Variants in SPANXN4 observed in about 807,000 individuals in gnomAD.
SPANXN4 encodes the protein sperm protein associated with the nucleus on the X chromosome N4.
A neutral mutation model predicts 6.0 loss-of-function variants in SPANXN4; 5 were observed. That is an observed-to-expected ratio of 0.83 (90% CI 0.44 to 1.75). SPANXN4 has a LOEUF of 1.75. SPANXN4 is among the 40% of genes most tolerant of loss of function. SPANXN4 has a pLI of 0.02. For missense variants in SPANXN4, 157 were observed against 108.6 expected, an observed-to-expected ratio of 1.45 and a Z score of -1.98; for synonymous variants, 45 against 38.0, an observed-to-expected ratio of 1.19 and a Z score of -0.68.
At chrX:143,035,422 A>T (rs184516892), downstream of SPANXN4, among the ~76,000 whole-genome samples, 1,021 of 110,656 alleles carry the variant, frequency 9.2e-3, 12 homozygotes, top group African/African-American at 0.032. Flanking sequence ...TTTAAGATGC[A>T]TCTATGTATG....
chrX:143,026,269 G>T lies in SPANXN4; in HGVS notation c.78+177G>T, dbSNP rs188312207. Among the ~76,000 whole-genome samples the T allele has an allele frequency of 3.8e-4, 43 of 111,827 alleles. No individual in the cohort carries two copies. The East Asian group carries it at 4.8e-3, about 13-fold the overall frequency. On this transcript the variant is annotated intron_variant, in intron 1 of 2. Transcript: ENST00000370504. ...GTACTTATAGGTATGGGTGGGAGAG[G>T]TTTGGGCAGTATGGCTGGCTGCTCG...
chrX:143,030,617 A>T (rs2124365781), intron 1 of SPANXN4, among the ~76,000 whole-genome samples: 1 of 110,321 alleles, frequency 9.1e-6, no homozygotes, highest in African/African-American at 3.3e-5. Flanking sequence ...AACTTTGGGA[A>T]GCCAGATTTA....
chrX:143,033,821 T>C (rs1053256414), intron 1 of SPANXN4, among the ~76,000 whole-genome samples: 1 of 111,612 alleles, frequency 9.0e-6, no homozygotes, highest in Non-Finnish European at 1.9e-5. Context: ...TACAAAGTCA[T>C]GCAGTTTGGA....
chrX:143,029,714 A>G (rs911736754), intron 1 of SPANXN4, among the ~76,000 whole-genome samples: 3 of 111,073 alleles, frequency 2.7e-5, no homozygotes, highest in Non-Finnish European at 3.8e-5. Context: ...TAAGGCATGT[A>G]CCTGCTATAA....
At chrX:143,027,698 TTG>T (rs1257995986) in intron 1 of SPANXN4, among the ~76,000 whole-genome samples, 1 of 110,991 alleles carries the variant, frequency 9.0e-6, no homozygotes, top group African/African-American at 3.3e-5. Context: ...ACTGCTGGAT[TTG>T]TGTGGACAAA....
intron 1 of SPANXN4, among the ~76,000 whole-genome samples, chrX:143,028,879 C>T (rs1035221001): frequency 9.0e-6 from 1 of 110,595 alleles, no homozygotes; most frequent in African/African-American, 3.3e-5. Flanking sequence ...CAGCCATGGT[C>T]GAAGAATGTA....
chrX:143,027,912 A>G (rs755433617), intron 1 of SPANXN4, among the ~76,000 whole-genome samples: 24 of 111,232 alleles, frequency 2.2e-4, no homozygotes, highest in Non-Finnish European at 4.1e-4. Flanking sequence ...TACCTCCTGC[A>G]TTACTGTGGG....
At chrX:143,035,494 T>C (rs1485046879), downstream of SPANXN4, among the ~76,000 whole-genome samples, 1 of 110,723 alleles carries the variant, frequency 9.0e-6, no homozygotes, top group Non-Finnish European at 1.9e-5. Context: ...GAAAGATATT[T>C]GGATTTTTAA....
At chrX:143,035,786 G>A (rs933710796), downstream of SPANXN4, among the ~76,000 whole-genome samples, 2 of 109,434 alleles carry the variant, frequency 1.8e-5, no homozygotes, top group African/African-American at 6.7e-5. Flanking sequence ...TTAAGTGTGT[G>A]ACAATAGCAG....
At chrX:143,032,847 C>T (rs990499236) in intron 1 of SPANXN4, among the ~76,000 whole-genome samples, 5 of 110,662 alleles carry the variant, frequency 4.5e-5, no homozygotes, top group African/African-American at 9.9e-5. Flanking sequence ...GTGAATACCC[C>T]GGAGAAAAGT....
downstream of SPANXN4, among the ~76,000 whole-genome samples, chrX:143,036,179 C>T (rs190014217): frequency 4.3e-4 from 47 of 109,277 alleles, no homozygotes; most frequent in Admixed American, 1.4e-3. Flanking sequence ...TGGCTCTTTT[C>T]TAACATTGTC....
At chrX:143,035,495 G>T (rs1932839250), downstream of SPANXN4, among the ~76,000 whole-genome samples, 1 of 109,677 alleles carries the variant, frequency 9.1e-6, no homozygotes, top group Admixed American at 9.7e-5. Context: ...AAAGATATTT[G>T]GATTTTTAAT....
chrX:143,037,625 G>A (rs186965998), downstream of SPANXN4, among the ~76,000 whole-genome samples: 1 of 111,224 alleles, frequency 9.0e-6, no homozygotes, highest in East Asian at 2.8e-4. Context: ...GCTATGGTTA[G>A]GCTTTGTGTC....
At chrX:143,038,543 C>A (rs777672781), downstream of SPANXN4, among the ~76,000 whole-genome samples, 30 of 111,425 alleles carry the variant, frequency 2.7e-4, no homozygotes, top group African/African-American at 9.4e-4. Flanking sequence ...TAATAATTAT[C>A]ATTCTCAAAC....
chrX:143,038,284 C>G (rs1369069591), downstream of SPANXN4, among the ~76,000 whole-genome samples: 1 of 111,792 alleles, frequency 8.9e-6, no homozygotes, highest in Admixed American at 9.5e-5. Context: ...ATGCCAAGGT[C>G]TTTTCTACAT....
At chrX:143,026,714 GAGA>G (rs1932780948) in intron 1 of SPANXN4, among the ~76,000 whole-genome samples, 1 of 111,298 alleles carries the variant, frequency 9.0e-6, no homozygotes, top group Non-Finnish European at 1.9e-5. Context: ...CTTGGCAGCG[GAGA>G]AGGATGGTAT....
intron 1 of SPANXN4, among the ~76,000 whole-genome samples, chrX:143,029,928 G>T (rs767889489): frequency 1.9e-4 from 21 of 111,661 alleles, no homozygotes; most frequent in South Asian, 1.1e-3. Context: ...ACGGCTTCTG[G>T]GGCGTCGCCG....
chrX:143,030,256 G>A (rs979935899), intron 1 of SPANXN4, among the ~76,000 whole-genome samples: 1 of 110,928 alleles, frequency 9.0e-6, no homozygotes, highest in Admixed American at 9.6e-5. Flanking sequence ...AGCTCATTTT[G>A]TTGGGTTGGG....
chrX:143,029,380 G>A (rs1932796107), intron 1 of SPANXN4, among the ~76,000 whole-genome samples: 1 of 111,478 alleles, frequency 9.0e-6, no homozygotes, highest in Non-Finnish European at 1.9e-5. Context: ...CGTTTGCTAG[G>A]GTGAGATCCT....
Sources: gnomAD v4.1 joint callset for allele counts (sites outside exome capture counted in the v4.1 genomes callset) on GRCh38, gnomAD v4.1.1 for gene constraint, MANE v1.5 for transcripts, NCBI Gene and HGNC (gene_info 2026-07-23, HGNC 2026-07-21) for gene names.